WNT7B: variants seen among roughly 807,000 people sequenced by gnomAD.
WNT7B encodes Wnt family member 7B.
Under a neutral mutation model 38.2 loss-of-function variants are expected in WNT7B, and 19 were observed. The observed-to-expected ratio is 0.50, with a 90% CI of 0.35 to 0.73. The LOEUF (loss-of-function observed/expected upper bound fraction) is 0.73, where lower values mean the gene tolerates loss of function less well. Among genes scored for constraint, WNT7B ranks in the 30% least tolerant of loss-of-function variants. WNT7B has a pLI of 0.01. For missense variants in WNT7B, 423 were observed against 507.9 expected (o/e 0.83, Z 1.61); for synonymous variants, 243 against 209.3 (o/e 1.16, Z -1.39).
At chr22:45,947,142 G>A (rs568346672) in intron 2 of WNT7B, among the ~76,000 whole-genome samples, 7 of 152,256 alleles carry the variant, frequency 4.6e-5, no homozygotes, top group African/African-American at 1.2e-4. Context: ...GGGGCCTGGC[G>A]TGCTTGGGGA....
chr22:45,929,484 ACATCCACC>A (rs889306706), intron 3 of WNT7B, among the ~76,000 whole-genome samples: 5 of 62,844 alleles, frequency 8.0e-5, no homozygotes, highest in Non-Finnish European at 1.2e-4. Context: ...TTCCATCTGT[ACATCCACC>A]CACCCACCCA....
chr22:45,972,108 C>CGGGGGGTG, intron 1 of WNT7B: 6 of 579,204 alleles, frequency 1.0e-5, no homozygotes, highest in Non-Finnish European at 1.6e-5. Context: ...GCTGGAGGCC[C>CGGGGGGTG]GGGGGGAGCC....
chr22:45,958,518 C>T (rs528371794), intron 1 of WNT7B, among the ~76,000 whole-genome samples: 1 of 152,348 alleles, frequency 6.6e-6, no homozygotes, highest in South Asian at 2.1e-4. Context: ...ACACCCACTC[C>T]ATGCCTGACT....
At chr22:45,954,319 G>T (rs1251245086) in intron 1 of WNT7B, among the ~76,000 whole-genome samples, 2 of 152,202 alleles carry the variant, frequency 1.3e-5, no homozygotes, top group African/African-American at 4.8e-5. Flanking sequence ...GTGATGGAAA[G>T]TTCTGGAACT....
At chr22:45,950,728 T>C (rs1283956193) in intron 1 of WNT7B, among the ~76,000 whole-genome samples, 3 of 152,196 alleles carry the variant, frequency 2.0e-5, no homozygotes, top group Non-Finnish European at 4.4e-5. Context: ...TCCACACCCA[T>C]GAAATGGGGG....
intron 2 of WNT7B, among the ~76,000 whole-genome samples, chr22:45,936,980 G>A (rs2032594263): frequency 6.6e-6 from 1 of 152,206 alleles, no homozygotes; most frequent in Non-Finnish European, 1.5e-5. Flanking sequence ...ACAGGGGCCG[G>A]TGCACTTTTG....
At chr22:45,924,590 G>T (rs560026849) in intron 3 of WNT7B, among the ~76,000 whole-genome samples, 34 of 152,386 alleles carry the variant, frequency 2.2e-4, no homozygotes, top group African/African-American at 7.9e-4. Flanking sequence ...CAACATGAGC[G>T]AAGGTCTGGA....
chr22:45,929,401 C>T (rs928037244), intron 3 of WNT7B, among the ~76,000 whole-genome samples: 28 of 141,062 alleles, frequency 2.0e-4, no homozygotes, highest in Middle Eastern at 3.6e-3. Context: ...TCCATCCTTC[C>T]ATCCACCCGT....
intron 2 of WNT7B, among the ~76,000 whole-genome samples, chr22:45,941,199 G>C (rs886540716): frequency 5.3e-5 from 8 of 152,210 alleles, no homozygotes; most frequent in Non-Finnish European, 1.0e-4. Context: ...GATCGGGTGA[G>C]GGGGTTTAGG....
At chr22:45,950,419 G>A (rs986377978) in intron 1 of WNT7B, among the ~76,000 whole-genome samples, 5 of 152,330 alleles carry the variant, frequency 3.3e-5, no homozygotes, top group African/African-American at 7.2e-5. Context: ...TCACGCAACC[G>A]CAAGTCCCAC....
chr22:45,969,107 T>C (rs1932373673), intron 1 of WNT7B, among the ~76,000 whole-genome samples: 1 of 152,200 alleles, frequency 6.6e-6, no homozygotes, highest in Non-Finnish European at 1.5e-5. Flanking sequence ...TCGAGGGTCA[T>C]GGCCACAGCA....
intron 1 of WNT7B, among the ~76,000 whole-genome samples, chr22:45,962,424 G>C (rs989164009): frequency 1.3e-5 from 2 of 152,184 alleles, no homozygotes; most frequent in African/African-American, 4.8e-5. Flanking sequence ...TGCACCAGGT[G>C]CTGGCCATAC....
intron 1 of WNT7B, chr22:45,972,116 G>GGGGGGGGGGCCCCCCCC: frequency 1.1e-5 from 6 of 530,742 alleles, no homozygotes; most frequent in East Asian, 7.4e-5. Flanking sequence ...CCCGGGGGGA[G>GGGGGGGGGGCCCCCCCC]CCCACCCGCC....
In WNT7B at chr22:45,966,633, A is replaced by C. The variant is rs752471760; in HGVS notation, c.71+10051T>G. On this transcript the variant is annotated intron_variant, in intron 1 of 3. Transcript: ENST00000339464. The surrounding 1 kb of genome is among the most constrained non-coding windows in gnomAD (Gnocchi z 4.2). ...AGCTCCAGGCACCTGCAGGCTTCAC[A>C]CTCTAAAGCTGCAAAGGCTGCTTGG... Among the ~76,000 whole-genome samples the C allele has an allele frequency of 3.3e-5, 5 of 151,986 alleles. No individual in the cohort carries two copies. Among genetic ancestry groups the C allele is most frequent in the Non-Finnish European group, 7.4e-5 (5 of 68,008 alleles).
chr22:45,954,791 C>A (rs1246950451), intron 1 of WNT7B: 2 of 984,696 alleles, frequency 2.0e-6, no homozygotes, highest in African/African-American at 3.5e-5. Context: ...CCAAGTGCTC[C>A]CATTCTGAGG....
At chr22:45,931,070 GC>G in intron 3 of WNT7B, 27 bp downstream of exon 3, 2 of 1,541,314 alleles carry the variant, frequency 1.3e-6, no homozygotes. Context: ...CCCAGCTACG[GC>G]CCCCACCAGC....
In WNT7B at chr22:45,931,377, G is replaced by A. The variant is rs753500419; in HGVS notation, c.299-8C>T. The A allele has an allele frequency of 3.8e-6, 6 of 1,580,114 alleles. No homozygotes were observed. The highest frequency in any genetic ancestry group is 1.1e-5 in the South Asian group (1 of 89,158). On this transcript the variant is annotated splice_polypyrimidine_tract_variant and splice_region_variant and intron_variant, in intron 2 of 3. Transcript: ENST00000339464. ...AGGCAGCCTCACGGCTCCCTGCGGG[G>A]ACAGACAGGTGCAGAAGGTGAGACC...
intron 2 of WNT7B, among the ~76,000 whole-genome samples, chr22:45,949,669 T>C (rs926444653): frequency 6.6e-6 from 1 of 152,222 alleles, no homozygotes; most frequent in Non-Finnish European, 1.5e-5. Flanking sequence ...GTCACGACGA[T>C]GTCCTCCAGC....
chr22:45,929,667 C>CTCAT (rs1931244161), intron 3 of WNT7B, among the ~76,000 whole-genome samples: 3 of 81,480 alleles, frequency 3.7e-5, no homozygotes, highest in African/African-American at 1.5e-4. Context: ...CACCCACCCG[C>CTCAT]CCATCCTTCC....
Sources: allele counts gnomAD v4.1 joint callset (sites outside exome capture counted in the v4.1 genomes callset), GRCh38; gene constraint gnomAD v4.1.1; non-coding constraint Gnocchi (gnomAD v3.1); transcripts MANE v1.5; gene names NCBI Gene and HGNC (gene_info 2026-07-23, HGNC 2026-07-21).